GLYATL1: variants seen among roughly 807,000 people sequenced by gnomAD.
GLYATL1 encodes the protein glycine-N-acyltransferase like 1.
GLYATL1 carries 15 observed loss-of-function variants against 20.0 expected under a neutral mutation model. The ratio of observed to expected loss-of-function variants is 0.75; its 90% CI spans 0.50 to 1.15. The LOEUF (loss-of-function observed/expected upper bound fraction) is 1.15, where lower values mean the gene tolerates loss of function less well. GLYATL1 is among the 50% of genes most tolerant of loss of function. The pLI, the probability that GLYATL1 is intolerant of heterozygous loss-of-function variation, is 0.00. For missense variants in GLYATL1, 380 were observed against 368.5 expected (o/e 1.03, Z -0.26); for synonymous variants, 151 against 131.5 (o/e 1.15, Z -1.01).
chr11:58,936,679 T>G (rs117812906), upstream of GLYATL1, among the ~76,000 whole-genome samples: 1,287 of 151,898 alleles, frequency 8.5e-3, 5 homozygotes, highest in Non-Finnish European at 0.014. Flanking sequence ...CAACAAAGAG[T>G]CCCCTATTGA....
At chr11:58,921,973 T>G (rs1855319219) in intron 1 of GLYATL1, among the ~76,000 whole-genome samples, 1 of 152,228 alleles carries the variant, frequency 6.6e-6, no homozygotes, top group Non-Finnish European at 1.5e-5. Context: ...TGTATGGGCC[T>G]CTCATCTGCA....
chr11:58,942,753 G>A (rs1856255454), intron 1 of GLYATL1, among the ~76,000 whole-genome samples: 1 of 152,168 alleles, frequency 6.6e-6, no homozygotes, highest in African/African-American at 2.4e-5. Flanking sequence ...GTCATTGGCA[G>A]GTAGATTGAT....
intron 3 of GLYATL1, 172 bp downstream of exon 3, chr11:58,947,337 G>A: frequency 1.1e-6 from 1 of 898,524 alleles, no homozygotes; most frequent in Non-Finnish European, 1.6e-6. Flanking sequence ...TCTTTGGGAA[G>A]AGGCAGCTAG....
chr11:58,924,661 T>C (rs368448276), upstream of GLYATL1, among the ~76,000 whole-genome samples: 2 of 152,222 alleles, frequency 1.3e-5, no homozygotes, highest in East Asian at 3.8e-4. Flanking sequence ...ACTGCTCTTA[T>C]TCCGGCTTTG....
intron 5 of GLYATL1, 57 bp from the exon 6 acceptor site, chr11:58,955,119 C>G: frequency 6.7e-7 from 1 of 1,489,444 alleles, no homozygotes; most frequent in Non-Finnish European, 9.2e-7. Flanking sequence ...CAGGTGGGAG[C>G]AGTGTAAGTA....
At chr11:58,919,143 G>A (rs1565118693) in intron 1 of GLYATL1, among the ~76,000 whole-genome samples, 1 of 152,206 alleles carries the variant, frequency 6.6e-6, no homozygotes, top group Non-Finnish European at 1.5e-5. Context: ...ATTCTTTCCT[G>A]CACCCAGCCA....
intron 1 of GLYATL1, among the ~76,000 whole-genome samples, chr11:58,914,644 G>T (rs545441694): frequency 6.6e-6 from 1 of 152,170 alleles, no homozygotes; most frequent in Non-Finnish European, 1.5e-5. Context: ...ATTGGTCATT[G>T]TTCTGGTCCT....
At chr11:58,910,369 G>C (rs1316034213), downstream of GLYATL1, among the ~76,000 whole-genome samples, 1 of 151,954 alleles carries the variant, frequency 6.6e-6, no homozygotes, top group Non-Finnish European at 1.5e-5. Flanking sequence ...AAATGCCTAG[G>C]CTATTTTGTT....
chr11:58,944,628 C>T (rs1432867151), intron 2 of GLYATL1, among the ~76,000 whole-genome samples: 3 of 152,040 alleles, frequency 2.0e-5, no homozygotes, highest in African/African-American at 7.2e-5. Flanking sequence ...TTATTCCCTT[C>T]AAGTCCTTGT....
chr11:58,905,536 C>A, exon 1 of GLYATL1: 1 of 456,304 alleles, frequency 2.2e-6, no homozygotes, highest in South Asian at 1.5e-5. Context: ...GCGGAAAAAG[C>A]GCGAAACCGC....
At position 58,947,958 on chromosome 11, in the gene GLYATL1, A is replaced by G. The variant is rs1245184462; in HGVS notation, c.179A>G (p.Gln60Arg). The change falls in exon 4 of 7, where the codon CAA becomes CGA. Residue 60 changes from glutamine to arginine, a missense_variant. By Grantham distance (43) the Gln-to-Arg change is conservative (BLOSUM62 1). Coordinates refer to ENST00000532726, the MANE Select transcript of GLYATL1 (RefSeq NM_001389712.2). The stretch of plus-strand genomic sequence containing the variant: ...TATCAGATGGTTATTATCCGGCCTC[A>G]AAAGCAGGTAGGCACACAGACAGGG... The part of the protein sequence containing the change: ...PEYQMVIIRP[Q>R]KQEMTDDMDS... The G allele has an allele frequency of 3.1e-6, 5 of 1,611,790 alleles. No homozygotes were observed. The East Asian group carries it at 1.1e-4, about 36-fold the overall frequency.
At chr11:58,905,701 G>A (rs368533206) in intron 1 of GLYATL1, 167 of 444,298 alleles carry the variant, frequency 3.8e-4, no homozygotes, top group African/African-American at 3.2e-3. Flanking sequence ...GTTCGGGGGA[G>A]GGGATCGCTG....
At chr11:58,913,001 C>T (rs1855087613), downstream of GLYATL1, among the ~76,000 whole-genome samples, 1 of 152,150 alleles carries the variant, frequency 6.6e-6, no homozygotes, top group Non-Finnish European at 1.5e-5. Flanking sequence ...TGAAGACATC[C>T]AATGGAAGGC....
intron 4 of GLYATL1, among the ~76,000 whole-genome samples, chr11:58,949,713 C>T (rs146479700): frequency 2.6e-5 from 4 of 151,894 alleles, no homozygotes; most frequent in East Asian, 1.9e-4. Context: ...GAATGAAATA[C>T]GCTGCAATTT....
intron 1 of GLYATL1, among the ~76,000 whole-genome samples, chr11:58,920,620 G>T (rs1455867318): frequency 6.6e-6 from 1 of 152,106 alleles, no homozygotes. Context: ...GGACTAAAGG[G>T]GGCTTCCTGG....
At chr11:58,929,667 C>T (rs1023787729) in intron 1 of GLYATL1, among the ~76,000 whole-genome samples, 1 of 152,136 alleles carries the variant, frequency 6.6e-6, no homozygotes, top group Non-Finnish European at 1.5e-5. Context: ...GGGATTGTTC[C>T]TTCTACTCTT....
chr11:58,943,622 A>G lies in GLYATL1; in HGVS notation c.-87A>G, dbSNP rs533589566. The G allele has an allele frequency of 2.7e-5, 44 of 1,613,654 alleles. No individual in the cohort carries two copies. The East Asian group carries it at 9.1e-4, about 34-fold the overall frequency. Reference sequence around the variant, plus strand: ...AGTGAACACGGAAGGTACCTGCAGGATCCAATTGTGTCCATTGATCTCTCA... The same window carrying G: ...AGTGAACACGGAAGGTACCTGCAGGGTCCAATTGTGTCCATTGATCTCTCA... On this transcript the variant is annotated 5_prime_UTR_variant, in exon 2 of 7. Coordinates refer to ENST00000532726, the MANE Select transcript of GLYATL1 (RefSeq NM_001389712.2).
At chr11:58,920,078 C>T (rs533114644) in intron 1 of GLYATL1, among the ~76,000 whole-genome samples, 8 of 152,254 alleles carry the variant, frequency 5.3e-5, no homozygotes, top group Admixed American at 3.3e-4. Context: ...AAGGCTTTCT[C>T]TCTAGAAGGC....
chr11:58,942,775 G>C (rs1856257279), intron 1 of GLYATL1, among the ~76,000 whole-genome samples: 1 of 152,126 alleles, frequency 6.6e-6, no homozygotes, highest in Non-Finnish European at 1.5e-5. Flanking sequence ...TTAAAGCTAT[G>C]GGACCAGATG....
Sources: allele counts gnomAD v4.1 joint callset (sites outside exome capture counted in the v4.1 genomes callset), GRCh38; gene constraint gnomAD v4.1.1; transcripts MANE v1.5; gene names NCBI Gene and HGNC (gene_info 2026-07-23, HGNC 2026-07-21).